Variants in POLR2L observed in about 807,000 individuals in gnomAD.
POLR2L encodes the protein DNA-directed RNA polymerases I, II, and III subunit RPABC5.
In POLR2L, 7 loss-of-function variants were observed where a neutral mutation model predicts 6.8. That is an observed-to-expected ratio of 1.03 (90% CI 0.59 to 1.94). The LOEUF (loss-of-function observed/expected upper bound fraction) is 1.94, where lower values mean the gene tolerates loss of function less well. Among genes scored for constraint, POLR2L ranks in the 30% most tolerant of loss-of-function variants. The pLI is 0.00. For missense variants in POLR2L, 93 were observed against 86.7 expected (o/e 1.07, Z -0.29); for synonymous variants, 59 against 39.8 (o/e 1.48, Z -1.82).
At chr11:842,315 C>A (rs1055391760) in intron 1 of POLR2L, 99 bp downstream of exon 1, 4 of 780,330 alleles carry the variant, frequency 5.1e-6, no homozygotes, top group African/African-American at 1.9e-5. Context: ...GGCAGCGCTG[C>A]GCCTCCCGCC....
intron 1 of POLR2L, among the ~76,000 whole-genome samples, chr11:842,205 CT>C (rs1428949518): frequency 3.3e-5 from 5 of 152,232 alleles, no homozygotes; most frequent in Admixed American, 1.3e-4. Flanking sequence ...CAACTCCGTT[CT>C]CTTCCCCAGA....
At chr11:841,614 T>TA (rs1846969002) in intron 1 of POLR2L, among the ~76,000 whole-genome samples, 2 of 152,166 alleles carry the variant, frequency 1.3e-5, no homozygotes, top group Admixed American at 1.3e-4. Context: ...ATTAAAAAGA[T>TA]AGAGCCAGGC....
intron 1 of POLR2L, among the ~76,000 whole-genome samples, chr11:841,370 G>A (rs1046399413): frequency 6.6e-6 from 1 of 152,218 alleles, no homozygotes; most frequent in Non-Finnish European, 1.5e-5. Context: ...AAGCACAGGA[G>A]AAAGACGCCT....
rs984942345 is a variant in POLR2L at position 840,271 on chromosome 11, C to T, written c.*101G>A. On this transcript the variant is annotated 3_prime_UTR_variant, in exon 2 of 2. Transcript: ENST00000322028. ...GGTATCGGATACACACACACTGCGG[C>T]CAGGCATTACGCCAGCTCCCGGATG... 29 of 731,270 alleles carry T rather than the reference C, an allele frequency of 4.0e-5. No individual in the cohort carries two copies. Among genetic ancestry groups the T allele is most frequent in the Non-Finnish European group, 6.5e-5 (27 of 417,684 alleles). 45.3% of individuals were successfully genotyped at this position (731,270 alleles called of 1,614,324 possible). A position where few individuals can be genotyped will look rare whatever the true frequency, so the allele number is the denominator to read the frequency against.
chr11:841,439 T>C (rs1846963620), intron 1 of POLR2L, among the ~76,000 whole-genome samples: 1 of 152,152 alleles, frequency 6.6e-6, no homozygotes, highest in South Asian at 2.1e-4. Context: ...TTTTTCTGTG[T>C]GTGTGTGTGC....
chr11:841,055 C>T (rs2133967444), intron 1 of POLR2L, among the ~76,000 whole-genome samples: 1 of 152,344 alleles, frequency 6.6e-6, no homozygotes, highest in Middle Eastern at 3.4e-3. Flanking sequence ...ACCCTCAAGA[C>T]CTCCAGAAAA....
intron 1 of POLR2L, 150 bp from the exon 2 acceptor site, chr11:840,630 A>C (rs1438371025): frequency 3.2e-6 from 2 of 619,256 alleles, no homozygotes; most frequent in East Asian, 2.8e-5. Flanking sequence ...AGAAGCTGAG[A>C]TCTAGCAGTA....
rs1238046422 is a variant in POLR2L at position 839,982 on chromosome 11, G to C, written c.*390C>G. On this transcript the variant is annotated 3_prime_UTR_variant, in exon 2 of 2. Coordinates refer to ENST00000322028, the MANE Select transcript of POLR2L (RefSeq NM_021128.5). ...TCAGATTCCGAGAGAGAGGGTACAG[G>C]AGCCTCTCTGCTCAGCCTGAAGAAC... The C allele has an allele frequency of 5.9e-6, 1 of 169,716 alleles. No individual in the cohort carries two copies. Among genetic ancestry groups the C allele is most frequent in the Non-Finnish European group, 1.3e-5 (1 of 79,306 alleles). The allele number at this position is 169,716 out of a possible 1,614,324, so 10.5% of individuals were successfully genotyped here. A position where few individuals can be genotyped will look rare whatever the true frequency, so the allele number is the denominator to read the frequency against.
rs747908992 is a variant in POLR2L, at chr11:842,389, C to T, written c.95+25G>A. The T allele has an allele frequency of 3.9e-6, 6 of 1,541,622 alleles. No homozygotes were observed. In the Admixed American group the frequency reaches 5.8e-5, roughly 15 times the overall value. The stretch of plus-strand genomic sequence containing the variant: ...GGCCCGCGCCCCACGGCGGACTCAG[C>T]CCCTAGCCCCGGCCCGCGCCTCACC... On this transcript the variant is annotated intron_variant, in intron 1 of 1. Coordinates refer to ENST00000322028, the MANE Select transcript of POLR2L (RefSeq NM_021128.5).
Position 842,256 on chromosome 11 carries a change from C to A in POLR2L, c.95+158G>T, listed in dbSNP as rs566347760. Among the ~76,000 whole-genome samples, 359 of 152,358 alleles carry A rather than the reference C, an allele frequency of 2.4e-3. 2 individuals are homozygous for A. Among genetic ancestry groups the A allele is most frequent in the Non-Finnish European group, 4.7e-3 (317 of 68,028 alleles). On this transcript the variant is annotated intron_variant, in intron 1 of 1. Coordinates refer to ENST00000322028, the MANE Select transcript of POLR2L (RefSeq NM_021128.5). ...GTTCTCCCGAAAGCAGATCACAGAGCGGGGCTGGAGAAGCCGGGCCTGAAG... is the reference window on the plus strand; with the variant it reads ...GTTCTCCCGAAAGCAGATCACAGAGAGGGGCTGGAGAAGCCGGGCCTGAAG...
rs771111325 is a variant in POLR2L at position 840,384 on chromosome 11, G to A, written c.192C>T (p.Pro64=). The A allele has an allele frequency of 4.4e-6, 7 of 1,605,900 alleles. No individual in the cohort carries two copies. Among genetic ancestry groups the A allele is most frequent in the South Asian group, 2.2e-5 (2 of 90,770 alleles). The stretch of plus-strand genomic sequence containing the variant: ...GGTTCCAGCGTGGTCACTTCTCCAG[G>A]GGTGCATAATTGAGCAGCTTCTCGA... ...DLIEKLLNYA[P]LEK The change falls in exon 2 of 2, where the codon CCC becomes CCT. Residue 64 remains proline (P), a synonymous_variant. Coordinates refer to ENST00000322028, the MANE Select transcript of POLR2L (RefSeq NM_021128.5).
At chr11:840,727 G>A (rs569282685) in intron 1 of POLR2L, among the ~76,000 whole-genome samples, 1 of 152,304 alleles carries the variant, frequency 6.6e-6, no homozygotes, top group African/African-American at 2.4e-5. Context: ...GGCTGTACGT[G>A]TGTGTGTATA....
At chr11:840,828 C>G (rs1191806134) in intron 1 of POLR2L, among the ~76,000 whole-genome samples, 2 of 152,198 alleles carry the variant, frequency 1.3e-5, no homozygotes, top group African/African-American at 4.8e-5. Context: ...GTGCAGCCAC[C>G]TCATCCAGCA....
At chr11:842,298 G>GGCCTCAGGCAGCGCTGC in intron 1 of POLR2L, 116 bp downstream of exon 1, 1 of 604,980 alleles carries the variant, frequency 1.7e-6, no homozygotes, top group Non-Finnish European at 2.6e-6. Context: ...ATGGGGCGCT[G>GGCCTCAGGCAGCGCTGC]GCCTCAGGCA....
At chr11:840,585 C>G (rs1277452449) in intron 1 of POLR2L, 105 bp from the exon 2 acceptor site, 16 of 720,976 alleles carry the variant, frequency 2.2e-5, no homozygotes, top group Non-Finnish European at 3.1e-5. Context: ...CTCACCCCCC[C>G]CGCCACCGGC....
At chr11:841,985 C>G (rs1355130919) in intron 1 of POLR2L, among the ~76,000 whole-genome samples, 2 of 152,198 alleles carry the variant, frequency 1.3e-5, no homozygotes, top group Admixed American at 1.3e-4. Context: ...TGGGCTCAAG[C>G]AAGCCTCTCG....
intron 1 of POLR2L, among the ~76,000 whole-genome samples, chr11:841,125 A>G (rs184781387): frequency 7.4e-4 from 113 of 152,318 alleles, no homozygotes; most frequent in Admixed American, 3.2e-3. Context: ...GGGAGGCCAC[A>G]TGGGAGGCCC....
intron 1 of POLR2L, 97 bp from the exon 2 acceptor site, chr11:840,577 CA>C (rs1565121274): frequency 6.8e-6 from 5 of 731,406 alleles, no homozygotes; most frequent in African/African-American, 4.5e-5. Flanking sequence ...CTGCTGGCCT[CA>C]CCCCCCCCGC....
intron 1 of POLR2L, among the ~76,000 whole-genome samples, chr11:841,683 G>C (rs1014632790): frequency 2.0e-5 from 3 of 152,204 alleles, no homozygotes; most frequent in Non-Finnish European, 2.9e-5. Flanking sequence ...TGGATCACCT[G>C]AGGTCAGGAG....
Sources: gnomAD v4.1 joint callset for allele counts (sites outside exome capture counted in the v4.1 genomes callset) on GRCh38, gnomAD v4.1.1 for gene constraint, MANE v1.5 for transcripts, NCBI Gene and HGNC (gene_info 2026-07-23, HGNC 2026-07-21) for gene names.